Variants in OLFM3 observed in about 807,000 individuals in gnomAD.
OLFM3 encodes olfactomedin 3.
OLFM3 carries 20 observed loss-of-function variants against 48.6 expected under a neutral mutation model. The ratio of observed to expected loss-of-function variants is 0.41; its 90% CI spans 0.29 to 0.60. OLFM3 has a LOEUF of 0.60. Ranked by LOEUF, OLFM3 falls within the 20% of genes least tolerant of loss-of-function variation. The probability of loss-of-function intolerance (pLI) is 0.28; values close to 1 mark genes in which losing one functional copy is unlikely to be tolerated. For synonymous variants in OLFM3, 222 were observed against 198.1 expected, an observed-to-expected ratio of 1.12 and a Z score of -1.01; for missense variants, 437 against 544.3, an observed-to-expected ratio of 0.80 and a Z score of 1.96.
intron 1 of OLFM3, among the ~76,000 whole-genome samples, chr1:101,992,186 C>T (rs34157454): frequency 0.27 from 41,067 of 151,900 alleles, 5,866 homozygotes; most frequent in Middle Eastern, 0.37. Context: ...CCCAACAGAG[C>T]ATCAATCATC....
intron 1 of OLFM3, among the ~76,000 whole-genome samples, chr1:101,942,560 T>A (rs959903607): frequency 2.0e-5 from 3 of 152,226 alleles, no homozygotes; most frequent in African/African-American, 7.2e-5. Context: ...GTAGCAGTAA[T>A]TCACATCATT....
chr1:101,814,105 T>C (rs1054623006), intron 4 of OLFM3, among the ~76,000 whole-genome samples: 6 of 152,136 alleles, frequency 3.9e-5, no homozygotes, highest in African/African-American at 1.4e-4. Context: ...AAGTGGTCTT[T>C]TGGCTAGTTG....
intron 1 of OLFM3, among the ~76,000 whole-genome samples, chr1:101,844,681 G>A (rs979265906): frequency 6.6e-6 from 1 of 152,134 alleles, no homozygotes; most frequent in African/African-American, 2.4e-5. Flanking sequence ...ATTGTGTGGG[G>A]AGATAACACA....
At chr1:101,815,922 A>G (rs1654315995) in intron 4 of OLFM3, among the ~76,000 whole-genome samples, 1 of 152,230 alleles carries the variant, frequency 6.6e-6, no homozygotes, top group Admixed American at 6.5e-5. Context: ...GAAAAGAGAA[A>G]GGTATCTAGC....
At chr1:101,966,260 G>A (rs1660603704) in intron 1 of OLFM3, among the ~76,000 whole-genome samples, 2 of 151,428 alleles carry the variant, frequency 1.3e-5, no homozygotes, top group Admixed American at 1.3e-4. Context: ...GGTCTCCCAG[G>A]CTCAAGGTAT....
At chr1:101,951,115 T>A (rs941437844) in intron 1 of OLFM3, among the ~76,000 whole-genome samples, 3 of 152,220 alleles carry the variant, frequency 2.0e-5, no homozygotes, top group Admixed American at 1.3e-4. Flanking sequence ...ACTGTTTGGA[T>A]TAGCACAGAT....
At chr1:101,833,118 G>A (rs1217923248) in intron 2 of OLFM3, among the ~76,000 whole-genome samples, 2 of 152,212 alleles carry the variant, frequency 1.3e-5, no homozygotes, top group Non-Finnish European at 2.9e-5. Context: ...AAAATGATGG[G>A]CAAGATAAGG....
At chr1:101,983,428 G>A (rs1445921098) in intron 1 of OLFM3, among the ~76,000 whole-genome samples, 1 of 152,152 alleles carries the variant, frequency 6.6e-6, no homozygotes, top group African/African-American at 2.4e-5. Flanking sequence ...TCTGCCATGG[G>A]ACATGTCATC....
chr1:101,829,503 C>T (rs1186604060), intron 3 of OLFM3, among the ~76,000 whole-genome samples: 1 of 152,220 alleles, frequency 6.6e-6, no homozygotes, highest in East Asian at 1.9e-4. Flanking sequence ...CCTCTCTACT[C>T]AGTCTCTGGA....
At chr1:101,973,969 A>T (rs1660879680) in intron 1 of OLFM3, among the ~76,000 whole-genome samples, 2 of 152,096 alleles carry the variant, frequency 1.3e-5, no homozygotes, top group Admixed American at 6.6e-5. Context: ...ATCCACCCTT[A>T]AAAAAGATTA....
At chr1:101,887,625 T>C (rs1657814197) in intron 1 of OLFM3, among the ~76,000 whole-genome samples, 1 of 152,066 alleles carries the variant, frequency 6.6e-6, no homozygotes, top group African/African-American at 2.4e-5. Context: ...ATTATTGTAC[T>C]TTGTGTCCAA....
chr1:101,824,998 C>T, intron 4 of OLFM3, 28 bp downstream of exon 4: 1 of 1,586,552 alleles, frequency 6.3e-7, no homozygotes, highest in South Asian at 1.1e-5. Context: ...AAAAACGTAA[C>T]TTAGACAAAT....
intron 1 of OLFM3, among the ~76,000 whole-genome samples, chr1:101,890,664 T>G (rs1302764164): frequency 6.6e-6 from 1 of 151,880 alleles, no homozygotes; most frequent in Middle Eastern, 3.2e-3. Context: ...TTATTTCACA[T>G]GCTTATTCAC....
At chr1:101,981,228 C>A (rs971847003) in intron 1 of OLFM3, among the ~76,000 whole-genome samples, 1 of 152,042 alleles carries the variant, frequency 6.6e-6, no homozygotes, top group Non-Finnish European at 1.5e-5. Context: ...CCTATTTCAC[C>A]GAGAAAATGA....
At chr1:101,857,262 G>A (rs1033832299) in intron 1 of OLFM3, among the ~76,000 whole-genome samples, 15 of 151,980 alleles carry the variant, frequency 9.9e-5, no homozygotes, top group African/African-American at 3.1e-4. Context: ...GGAAGTAACT[G>A]TTGTCAGGAA....
At chr1:101,920,094 C>T (rs1659048184) in intron 1 of OLFM3, among the ~76,000 whole-genome samples, 1 of 152,210 alleles carries the variant, frequency 6.6e-6, no homozygotes. Flanking sequence ...TTCATTACCA[C>T]CATTTATCTC....
intron 1 of OLFM3, among the ~76,000 whole-genome samples, chr1:101,855,877 T>C (rs535955879): frequency 3.9e-5 from 6 of 152,124 alleles, no homozygotes; most frequent in African/African-American, 1.4e-4. Flanking sequence ...AGTGGTTGTG[T>C]GAAAGAACAA....
At chr1:101,880,883 C>G (rs769091910) in intron 1 of OLFM3, among the ~76,000 whole-genome samples, 1 of 151,808 alleles carries the variant, frequency 6.6e-6, no homozygotes, top group Non-Finnish European at 1.5e-5. Context: ...AGAATCAAAG[C>G]TCCTCTTGGG....
intron 4 of OLFM3, among the ~76,000 whole-genome samples, chr1:101,817,340 C>T (rs1388168212): frequency 6.6e-6 from 1 of 152,066 alleles, no homozygotes; most frequent in African/African-American, 2.4e-5. Flanking sequence ...GATATGAAAA[C>T]ATTAGCATTT....
Sources: gnomAD v4.1 joint callset for allele counts (sites outside exome capture counted in the v4.1 genomes callset) on GRCh38, gnomAD v4.1.1 for gene constraint, MANE v1.5 for transcripts, NCBI Gene and HGNC (gene_info 2026-07-23, HGNC 2026-07-21) for gene names.